SPECC1: variants seen among roughly 807,000 people sequenced by gnomAD.
SPECC1 encodes the protein sperm antigen with calponin homology and coiled-coil domains 1, also known as cytospin-B.
Under a neutral mutation model 104.1 loss-of-function variants are expected in SPECC1, and 62 were observed. The observed-to-expected ratio is 0.60, with a 90% CI of 0.49 to 0.74. SPECC1 has a LOEUF of 0.74. SPECC1 is among the 30% of genes least tolerant of loss of function. The pLI, the probability that SPECC1 is intolerant of heterozygous loss-of-function variation, is 0.00. For missense variants in SPECC1, 1,306 were observed against 1,310.5 expected (o/e 1.00, Z 0.05); for synonymous variants, 513 against 501.6 (o/e 1.02, Z -0.30).
intron 1 of SPECC1, among the ~76,000 whole-genome samples, chr17:20,080,394 C>T (rs1052530174): frequency 2.0e-5 from 3 of 152,050 alleles, no homozygotes; most frequent in Non-Finnish European, 4.4e-5. Flanking sequence ...TAATTACAAG[C>T]GTGAGATAAG....
chr17:20,140,124 T>C (rs1400599090), intron 3 of SPECC1, among the ~76,000 whole-genome samples: 3 of 152,196 alleles, frequency 2.0e-5, no homozygotes, highest in African/African-American at 7.2e-5. Flanking sequence ...GGCCCATCAA[T>C]TGAAAAAGTT....
intron 3 of SPECC1, among the ~76,000 whole-genome samples, chr17:20,161,299 C>T (rs1046552957): frequency 2.0e-5 from 3 of 152,180 alleles, no homozygotes; most frequent in South Asian, 2.1e-4. Flanking sequence ...TCCTAGGCTT[C>T]GTCACAGGTA....
At chr17:20,270,013 C>A (rs1237481443) in intron 12 of SPECC1, among the ~76,000 whole-genome samples, 2 of 152,138 alleles carry the variant, frequency 1.3e-5, no homozygotes, top group African/African-American at 4.8e-5. Flanking sequence ...GGTGCAAAAT[C>A]TACATCTTGT....
At chr17:20,028,102 G>A (rs983003020) in intron 1 of SPECC1, among the ~76,000 whole-genome samples, 6 of 152,152 alleles carry the variant, frequency 3.9e-5, no homozygotes, top group African/African-American at 1.4e-4. Context: ...CATATGGTGT[G>A]ATGGAGGGTC....
intron 3 of SPECC1, among the ~76,000 whole-genome samples, chr17:20,139,054 T>C (rs766814548): frequency 7.9e-5 from 12 of 152,254 alleles, no homozygotes; most frequent in Non-Finnish European, 1.6e-4. Flanking sequence ...ATGTGCTTGC[T>C]AGAGAGGTAC....
rs1299662811 is a variant in SPECC1 at position 20,130,486 on chromosome 17, A to T, written c.283+19924A>T. Among the ~76,000 whole-genome samples the T allele has an allele frequency of 7.2e-5, 11 of 152,144 alleles. 1 individual carries two copies. ...GGAGGTCAAGTCTGCAGTGATATAT[A>T]ATAACGCCATTGCACTCCAGCCTAG... On this transcript the variant is annotated intron_variant, in intron 3 of 14. Coordinates refer to ENST00000395527, the MANE Select transcript of SPECC1 (RefSeq NM_001243439.2).
At chr17:20,249,655 T>C (rs912146745) in intron 9 of SPECC1, among the ~76,000 whole-genome samples, 1 of 152,138 alleles carries the variant, frequency 6.6e-6, no homozygotes, top group Non-Finnish European at 1.5e-5. Context: ...ATTTTATGAC[T>C]TAAAAATAAA....
At chr17:20,109,119 G>A (rs1275615001) in intron 2 of SPECC1, among the ~76,000 whole-genome samples, 1 of 152,180 alleles carries the variant, frequency 6.6e-6, no homozygotes. Flanking sequence ...TGGGGTGAGG[G>A]TGGTTACACC....
chr17:20,013,580 C>T (rs531339878), intron 1 of SPECC1, among the ~76,000 whole-genome samples: 8 of 152,276 alleles, frequency 5.3e-5, no homozygotes, highest in Non-Finnish European at 1.0e-4. Flanking sequence ...CCGCTCACTG[C>T]GACCTCCGGC....
At chr17:20,012,794 A>T (rs559959751) in intron 1 of SPECC1, among the ~76,000 whole-genome samples, 21 of 152,254 alleles carry the variant, frequency 1.4e-4, no homozygotes, top group African/African-American at 4.6e-4. Context: ...GTGTGTGCAC[A>T]TTGTTATGCA....
At chr17:20,247,882 T>G (rs756043489) in intron 9 of SPECC1, among the ~76,000 whole-genome samples, 1 of 152,214 alleles carries the variant, frequency 6.6e-6, no homozygotes, top group African/African-American at 2.4e-5. Context: ...TACAGGGATT[T>G]TGGTACTGAG....
chr17:20,130,857 A>G (rs542454451), intron 3 of SPECC1, among the ~76,000 whole-genome samples: 5 of 152,322 alleles, frequency 3.3e-5, no homozygotes, highest in Non-Finnish European at 5.9e-5. Flanking sequence ...ATCCATAAAC[A>G]TGGTATGGCT....
At chr17:20,052,644 A>G (rs2045817859) in intron 1 of SPECC1, among the ~76,000 whole-genome samples, 1 of 152,212 alleles carries the variant, frequency 6.6e-6, no homozygotes, top group Non-Finnish European at 1.5e-5. Flanking sequence ...AGATTTCCAT[A>G]GAGGAGGTTC....
chr17:20,202,024 A>T (rs911335242), intron 3 of SPECC1, among the ~76,000 whole-genome samples: 1 of 152,278 alleles, frequency 6.6e-6, no homozygotes, highest in African/African-American at 2.4e-5. Context: ...ATTTACTACC[A>T]TAAAATATAC....
chr17:20,158,682 G>C (rs1024438515), intron 3 of SPECC1, among the ~76,000 whole-genome samples: 1 of 152,212 alleles, frequency 6.6e-6, no homozygotes, highest in Non-Finnish European at 1.5e-5. Flanking sequence ...CACAAGTCTT[G>C]GGATCCTCGT....
chr17:20,198,561 G>A, intron 3 of SPECC1, among the ~76,000 whole-genome samples: 1 of 152,164 alleles, frequency 6.6e-6, no homozygotes, highest in East Asian at 1.9e-4. Flanking sequence ...AGAGTGCAAG[G>A]CAGATTAATC....
intron 14 of SPECC1, among the ~76,000 whole-genome samples, chr17:20,311,926 C>G (rs890039985): frequency 6.6e-6 from 1 of 152,012 alleles, no homozygotes; most frequent in East Asian, 1.9e-4. Context: ...TATGGTTTTT[C>G]TTGTTCAGTT....
chr17:20,285,830 TTTGATAGGGTCTCGCTCTAC>T (rs2040926283), intron 12 of SPECC1, among the ~76,000 whole-genome samples: 1 of 151,298 alleles, frequency 6.6e-6, no homozygotes, highest in Non-Finnish European at 1.5e-5. Flanking sequence ...TTTTTTTTTT[TTTGATAGGGTCTCGCTCTAC>T]CACCCAGGTT....
At chr17:20,157,148 C>T (rs991556133) in intron 3 of SPECC1, among the ~76,000 whole-genome samples, 1 of 152,210 alleles carries the variant, frequency 6.6e-6, no homozygotes, top group Admixed American at 6.5e-5. Flanking sequence ...GGGTGCCGTG[C>T]TGTAGGACGC....
Sources: allele counts gnomAD v4.1 joint callset (sites outside exome capture counted in the v4.1 genomes callset), GRCh38; gene constraint gnomAD v4.1.1; transcripts MANE v1.5; gene names NCBI Gene and HGNC (gene_info 2026-07-23, HGNC 2026-07-21).